Variants in PRKN observed in about 807,000 individuals in gnomAD.
PRKN encodes the protein parkin RBR E3 ubiquitin protein ligase, also known as E3 ubiquitin-protein ligase parkin.
Under a neutral mutation model 59.5 loss-of-function variants are expected in PRKN, and 56 were observed. The observed-to-expected ratio is 0.94, with a 90% confidence interval of 0.76 to 1.18. The LOEUF is 1.18. Among genes scored for constraint, PRKN ranks in the 50% most tolerant of loss-of-function variants. PRKN has a pLI of 0.00. For synonymous variants in PRKN, 250 were observed against 222.1 expected (o/e 1.13, Z -1.12); for missense variants, 657 against 596.4 (o/e 1.10, Z -1.06).
rs571232604 is a variant in PRKN, at chr6:161,935,719, A to C, written c.734+37583T>G. On this transcript the variant is annotated intron_variant, in intron 6 of 11. Transcript: ENST00000366898. ...TGTTTCTTGAAAATTTTATAACGACAATGCCCCAAAGAAATGAGCAGTTTA... is the reference window on the plus strand; with the variant it reads ...TGTTTCTTGAAAATTTTATAACGACCATGCCCCAAAGAAATGAGCAGTTTA... 4.6e-5 allele frequency among the ~76,000 whole-genome samples: 7 copies of C among 152,276 alleles called. No homozygotes were observed. In the East Asian group the frequency reaches 7.7e-4, roughly 17 times the overall value.
intron 1 of PRKN, among the ~76,000 whole-genome samples, chr6:162,700,316 T>C (rs1778108208): frequency 6.6e-6 from 1 of 151,974 alleles, no homozygotes; most frequent in South Asian, 2.1e-4. Flanking sequence ...TAAATATGAG[T>C]AGGAAGAAAA....
intron 7 of PRKN, among the ~76,000 whole-genome samples, chr6:161,724,183 T>G (rs1787345937): frequency 6.6e-6 from 1 of 152,208 alleles, no homozygotes; most frequent in African/African-American, 2.4e-5. Flanking sequence ...ATCTGCCAAG[T>G]CCTAGTAATG....
chr6:162,450,333 CTGTGATTGTAA>C (rs1227042777), intron 1 of PRKN, among the ~76,000 whole-genome samples: 89 of 98,700 alleles, frequency 9.0e-4, no homozygotes, highest in Middle Eastern at 5.4e-3. Context: ...GTAAACGCCC[CTGTGATTGTAA>C]TCCCCCTGTG....
At chr6:161,862,097 G>A (rs9355942) in intron 6 of PRKN, among the ~76,000 whole-genome samples, 2 of 151,832 alleles carry the variant, frequency 1.3e-5, no homozygotes, top group African/African-American at 4.8e-5. Context: ...ATTGGATTTA[G>A]GGCCCACCCA....
intron 7 of PRKN, among the ~76,000 whole-genome samples, chr6:161,717,177 T>C (rs1436556768): frequency 1.3e-5 from 2 of 152,152 alleles, no homozygotes; most frequent in East Asian, 1.9e-4. Flanking sequence ...AGAACAGACA[T>C]TTCTTTCTTA....
At chr6:162,500,797 A>G (rs1043637103) in intron 1 of PRKN, among the ~76,000 whole-genome samples, 4 of 152,160 alleles carry the variant, frequency 2.6e-5, no homozygotes, top group Admixed American at 2.6e-4. Flanking sequence ...CCTTAAATGT[A>G]CCTCAAAAAC....
At chr6:162,459,118 C>A (rs949671155) in intron 1 of PRKN, among the ~76,000 whole-genome samples, 1 of 152,094 alleles carries the variant, frequency 6.6e-6, no homozygotes, top group Admixed American at 6.6e-5. Context: ...CCGTGCCTGG[C>A]CAGAAATAAA....
At chr6:161,857,548 T>C (rs1187221024) in intron 6 of PRKN, among the ~76,000 whole-genome samples, 1 of 152,178 alleles carries the variant, frequency 6.6e-6, no homozygotes, top group African/African-American at 2.4e-5. Context: ...ACATTTTCAA[T>C]CTAGCAAATC....
intron 4 of PRKN, among the ~76,000 whole-genome samples, chr6:162,122,543 T>C (rs922061483): frequency 6.6e-6 from 1 of 152,128 alleles, no homozygotes; most frequent in African/African-American, 2.4e-5. Context: ...TTCAGAACAA[T>C]GAACTCATTT....
intron 2 of PRKN, among the ~76,000 whole-genome samples, chr6:162,345,422 C>G (rs1017555836): frequency 1.3e-5 from 2 of 152,294 alleles, no homozygotes; most frequent in Non-Finnish European, 1.5e-5. Flanking sequence ...AGTCAACCTG[C>G]TGATTGCATA....
At chr6:161,928,192 G>A (rs1034679691) in intron 6 of PRKN, among the ~76,000 whole-genome samples, 1 of 152,192 alleles carries the variant, frequency 6.6e-6, no homozygotes, top group Admixed American at 6.5e-5. Flanking sequence ...CCCTGATCTT[G>A]GACTTCCAGC....
At chr6:162,475,728 G>A (rs1791977042) in intron 1 of PRKN, among the ~76,000 whole-genome samples, 1 of 151,386 alleles carries the variant, frequency 6.6e-6, no homozygotes, top group African/African-American at 2.5e-5. Flanking sequence ...TTACGCCTCT[G>A]GAAGTACAAA....
At chr6:161,980,223 A>G (rs1407544445) in intron 5 of PRKN, among the ~76,000 whole-genome samples, 2 of 152,212 alleles carry the variant, frequency 1.3e-5, no homozygotes, top group Non-Finnish European at 2.9e-5. Flanking sequence ...ATGTTTTCCA[A>G]ACGAAATATT....
At chr6:162,363,546 CTT>C (rs1235953365) in intron 2 of PRKN, among the ~76,000 whole-genome samples, 6 of 151,984 alleles carry the variant, frequency 3.9e-5, no homozygotes, top group Non-Finnish European at 5.9e-5. Flanking sequence ...TGACATTTTT[CTT>C]CTTTCATTTC....
At chr6:161,924,275 A>C (rs1347546108) in intron 6 of PRKN, among the ~76,000 whole-genome samples, 2 of 152,184 alleles carry the variant, frequency 1.3e-5, no homozygotes, top group African/African-American at 2.4e-5. Flanking sequence ...TTAACCTCAC[A>C]CACTCCAGGA....
intron 9 of PRKN, among the ~76,000 whole-genome samples, chr6:161,543,475 A>C (rs957111992): frequency 6.6e-6 from 1 of 152,192 alleles, no homozygotes; most frequent in African/African-American, 2.4e-5. Context: ...GAGGAGCCCA[A>C]GGTGAATGCC....
At chr6:162,725,011 C>T (rs1313507592) in intron 1 of PRKN, among the ~76,000 whole-genome samples, 10 of 152,190 alleles carry the variant, frequency 6.6e-5, no homozygotes, top group African/African-American at 2.4e-4. Context: ...CCTGCTTTCA[C>T]GCCACTGTAA....
intron 3 of PRKN, among the ~76,000 whole-genome samples, chr6:162,213,461 C>T (rs1316412358): frequency 6.6e-6 from 1 of 152,166 alleles, no homozygotes; most frequent in Non-Finnish European, 1.5e-5. Context: ...GGCACAGTGG[C>T]TCATGCCTGT....
intron 1 of PRKN, among the ~76,000 whole-genome samples, chr6:162,480,064 CA>C (rs59112045): frequency 3.2e-3 from 459 of 141,538 alleles, no homozygotes; most frequent in African/African-American, 8.0e-3. Context: ...GATTTTGTCT[CA>C]AAAAAAAAAA....
Sources: gnomAD v4.1 joint callset for allele counts (sites outside exome capture counted in the v4.1 genomes callset) on GRCh38, gnomAD v4.1.1 for gene constraint, MANE v1.5 for transcripts, NCBI Gene and HGNC (gene_info 2026-07-23, HGNC 2026-07-21) for gene names.